The following TMEM204 variants were observed in gnomAD, a reference collection of about 807,000 sequenced individuals.
TMEM204 encodes claudin-like protein 24.
In TMEM204, 15 loss-of-function variants were observed where a neutral mutation model predicts 19.4. The ratio of observed to expected loss-of-function variants is 0.77; its 90% CI spans 0.52 to 1.19. TMEM204 has a LOEUF of 1.19. Among genes scored for constraint, TMEM204 ranks in the 50% most tolerant of loss-of-function variants. The probability of loss-of-function intolerance (pLI) is 0.00; values close to 1 mark genes in which losing one functional copy is unlikely to be tolerated. For missense variants in TMEM204, 287 were observed against 321.2 expected (o/e 0.89, Z 0.81); for synonymous variants, 161 against 146.0 (o/e 1.10, Z -0.74).
intron 1 of TMEM204, among the ~76,000 whole-genome samples, chr16:1,535,187 T>C (rs1475485002): frequency 1.3e-5 from 2 of 152,120 alleles, no homozygotes; most frequent in Non-Finnish European, 2.9e-5. Flanking sequence ...TCCCCAGGGA[T>C]GAGCTTCAGA....
intron 2 of TMEM204, among the ~76,000 whole-genome samples, chr16:1,548,218 T>G (rs547966303): frequency 1.3e-5 from 2 of 152,152 alleles, no homozygotes; most frequent in Admixed American, 6.5e-5. Flanking sequence ...CTGCTCCGCA[T>G]AGATTCTCTT....
Position 1,554,989 on chromosome 16 carries a change from G to A in TMEM204, c.644G>A (p.Arg215His), listed in dbSNP as rs1296022250. ...CGCTCCCTGACAGCGCGCTTTCGCC[G>A]TGGGCTGGACAATGACTACGTGGAG... is the stretch of plus-strand genomic sequence containing the variant. ...ISRSLTARFR[R>H]GLDNDYVESP... Residue 215 changes from arginine (R) to histidine (H), a missense_variant, in exon 3 of 3, where the codon CGT (arginine) becomes CAT (histidine). Arg to His is a conservative substitution (Grantham distance 29). Coordinates refer to ENST00000566264, the MANE Select transcript of TMEM204 (RefSeq NM_024600.6). The A allele has an allele frequency of 5.0e-6, 8 of 1,613,280 alleles. No individual in the cohort carries two copies. The highest frequency in any genetic ancestry group is 4.0e-5 in the African/African-American group (3 of 74,952).
chr16:1,548,576 T>C lies in TMEM204; in HGVS notation c.437-6206T>C, dbSNP rs536530487. Among the ~76,000 whole-genome samples the C allele has an allele frequency of 1.2e-4, 19 of 152,332 alleles. 1 individual carries two copies. The South Asian group carries it at 2.7e-3, about 22-fold the overall frequency. On this transcript the variant is annotated intron_variant, in intron 2 of 2. Coordinates refer to ENST00000566264, the MANE Select transcript of TMEM204 (RefSeq NM_024600.6). The stretch of plus-strand genomic sequence containing the variant: ...TTTCTAGACAAACTGATGAACATGA[T>C]TGAAGTTTTGGGAGAAAAGTCTTCA...
At chr16:1,544,761 G>C (rs925386932) in intron 2 of TMEM204, among the ~76,000 whole-genome samples, 1 of 151,552 alleles carries the variant, frequency 6.6e-6, no homozygotes, top group Non-Finnish European at 1.5e-5. Context: ...CCATTCTCCT[G>C]CCTCAGCCTC....
chr16:1,529,009 G>C (rs540277803), upstream of TMEM204, among the ~76,000 whole-genome samples: 1 of 152,154 alleles, frequency 6.6e-6, no homozygotes, highest in Non-Finnish European at 1.5e-5. Context: ...GGCAGGCTCG[G>C]TGCACTTGTG....
At position 1,534,281 on chromosome 16, in the gene TMEM204, C is replaced by CG. The variant is rs1567340193; in HGVS notation, c.7dup (p.Val3GlyfsTer70). ...CGGCGGCACCGGCGTCAGCGATGAC[C>CG]GTGCAGAGACTCGTGGCCGCGGCCG... On this transcript the variant is annotated frameshift_variant, in exon 1 of 3. Transcript: ENST00000566264. LOFTEE classifies it high-confidence loss of function. 1 of 1,611,810 alleles carries CG rather than the reference C, an allele frequency of 6.2e-7. No individual in the cohort carries two copies. Among genetic ancestry groups the CG allele is most frequent in the Non-Finnish European group, 8.5e-7 (1 of 1,179,812 alleles).
intron 1 of TMEM204, among the ~76,000 whole-genome samples, chr16:1,537,763 A>G (rs144390595): frequency 1.4e-3 from 216 of 152,368 alleles, no homozygotes; most frequent in Non-Finnish European, 2.4e-3. Flanking sequence ...GCTTGGGAAC[A>G]GATGACCGTG....
intron 1 of TMEM204, 42 bp from the exon 2 acceptor site, chr16:1,541,878 GC>G: frequency 6.6e-7 from 1 of 1,512,660 alleles, no homozygotes. Flanking sequence ...GGCCTCTGGA[GC>G]CCACCTGCAC....
intron 2 of TMEM204, among the ~76,000 whole-genome samples, chr16:1,550,995 C>T (rs1313404386): frequency 2.6e-5 from 4 of 152,300 alleles, no homozygotes; most frequent in South Asian, 2.1e-4. Context: ...ACCAGGGTAG[C>T]GGCATCTACG....
At position 1,553,320 on chromosome 16, in the gene TMEM204, C is replaced by T. The variant is rs2032831085; in HGVS notation, c.437-1462C>T. 1 of 985,220 alleles carries T rather than the reference C, an allele frequency of 1.0e-6. No individual in the cohort carries two copies. The highest frequency in any genetic ancestry group is 1.2e-6 in the Non-Finnish European group (1 of 829,798). The allele number at this position is 985,220 out of a possible 1,614,324, so 61.0% of individuals were successfully genotyped here. A position where few individuals can be genotyped will look rare whatever the true frequency, so the allele number is the denominator to read the frequency against. On this transcript the variant is annotated intron_variant, in intron 2 of 2. Coordinates refer to ENST00000566264, the MANE Select transcript of TMEM204 (RefSeq NM_024600.6). This position sits in a 1 kb window ranked among gnomAD's most constrained non-coding sequence, Gnocchi z 4.4. ...TCTCTCTGTGTCTCTGTCTCTGTGTCTCTGTCCCTGTGTCTCTTTTTCTCC... is the reference window on the plus strand; with the variant it reads ...TCTCTCTGTGTCTCTGTCTCTGTGTTTCTGTCCCTGTGTCTCTTTTTCTCC...
At chr16:1,540,772 G>A (rs1392134053) in intron 1 of TMEM204, 6 of 929,932 alleles carry the variant, frequency 6.5e-6, no homozygotes, top group African/African-American at 3.6e-5. Flanking sequence ...ATTTAAAAAG[G>A]TGCAACTGTT....
upstream of TMEM204, among the ~76,000 whole-genome samples, chr16:1,529,379 G>A (rs142021420): frequency 1.6e-3 from 243 of 152,342 alleles, 1 homozygote; most frequent in African/African-American, 5.5e-3. Flanking sequence ...CGTGTCCTCT[G>A]ATGGCCTCAC....
chr16:1,532,262 A>G (rs1451325360), upstream of TMEM204: 2 of 152,286 alleles, frequency 1.3e-5, no homozygotes, highest in East Asian at 1.9e-4. Flanking sequence ...TTCCCTGGGC[A>G]CAAGCCAAGG....
chr16:1,538,112 C>T lies in TMEM204; in HGVS notation c.280+3557C>T, dbSNP rs141669652. Among the ~76,000 whole-genome samples, 22 of 152,342 alleles carry T rather than the reference C, an allele frequency of 1.4e-4. 1 individual carries two copies. In the East Asian group the frequency reaches 4.2e-3, roughly 29 times the overall value. Reference sequence around the variant, plus strand: ...GTGAACGCCAGCTCCAAACAGCTTTCTTGGGGCAGGCGGGAGCGTGGCTCA... The same window carrying T: ...GTGAACGCCAGCTCCAAACAGCTTTTTTGGGGCAGGCGGGAGCGTGGCTCA... On this transcript the variant is annotated intron_variant, in intron 1 of 2. Coordinates refer to ENST00000566264, the MANE Select transcript of TMEM204 (RefSeq NM_024600.6).
At chr16:1,534,916 T>C (rs2030908928) in intron 1 of TMEM204, among the ~76,000 whole-genome samples, 1 of 152,150 alleles carries the variant, frequency 6.6e-6, no homozygotes, top group African/African-American at 2.4e-5. Context: ...TTGAAAATAA[T>C]TATTACGGCT....
At chr16:1,537,832 C>T (rs2031227021) in intron 1 of TMEM204, among the ~76,000 whole-genome samples, 1 of 152,206 alleles carries the variant, frequency 6.6e-6, no homozygotes, top group Non-Finnish European at 1.5e-5. Flanking sequence ...GGAGCCCCAC[C>T]CCTCTCTCCG....
At chr16:1,540,900 C>G (rs1305751284) in intron 1 of TMEM204, 2 of 985,308 alleles carry the variant, frequency 2.0e-6, no homozygotes, top group Non-Finnish European at 2.4e-6. Context: ...GTCCCTGACT[C>G]CAGGCTGAGT....
In TMEM204 at chr16:1,534,517, A is replaced by C; in HGVS notation, c.242A>C (p.Glu81Ala). 6.2e-7 allele frequency: 1 copy of C among 1,607,204 alleles called. No individual in the cohort carries two copies. The highest frequency in any genetic ancestry group is 8.5e-7 in the Non-Finnish European group (1 of 1,179,860). Residue 81 changes from glutamate to alanine, a missense_variant, in exon 1 of 3, where the codon GAG (glutamate) becomes GCG (alanine). Glu to Ala is a moderately radical substitution (Grantham distance 107, BLOSUM62 -1). Transcript: ENST00000566264. ...HDCEALGWGSEAAGFQESRGT... is the reference protein window; with the variant it reads ...HDCEALGWGSAAAGFQESRGT... ...TGTGAGGCGCTGGGCTGGGGCTCCG[A>C]GGCAGCCGGCTTCCAGGAGTCCCGA...
At chr16:1,534,694 G>A in intron 1 of TMEM204, 139 bp downstream of exon 1, 1 of 1,280,514 alleles carries the variant, frequency 7.8e-7, no homozygotes, top group Admixed American at 2.3e-5. Context: ...GGGCAGGCAG[G>A]AGGGGGCACT....
Sources: allele counts gnomAD v4.1 joint callset (sites outside exome capture counted in the v4.1 genomes callset), GRCh38; gene constraint gnomAD v4.1.1; non-coding constraint Gnocchi (gnomAD v3.1); transcripts MANE v1.5; gene names NCBI Gene and HGNC (gene_info 2026-07-23, HGNC 2026-07-21).